Variants in ZDHHC8 observed in about 807,000 individuals in gnomAD.
ZDHHC8 encodes the protein palmitoyltransferase ZDHHC8.
ZDHHC8 carries 24 observed loss-of-function variants against 61.2 expected under a neutral mutation model. The ratio of observed to expected loss-of-function variants is 0.39; its 90% CI spans 0.28 to 0.55. The LOEUF (loss-of-function observed/expected upper bound fraction) is 0.55. Ranked by LOEUF, ZDHHC8 falls within the 20% of genes least tolerant of loss-of-function variation. ZDHHC8 has a pLI of 0.60. For missense variants in ZDHHC8, 935 were observed against 1,102.1 expected (o/e 0.85, Z 2.15); for synonymous variants, 523 against 492.5 (o/e 1.06, Z -0.82).
intron 9 of ZDHHC8, among the ~76,000 whole-genome samples, chr22:20,142,027 GCAGTGAT>G (rs1392795025): frequency 6.6e-6 from 1 of 152,188 alleles, no homozygotes; most frequent in Non-Finnish European, 1.5e-5. Context: ...GGCGGTCTGT[GCAGTGAT>G]CAGGAACACC....
At chr22:20,138,081 G>A (rs1025814002) in intron 1 of ZDHHC8, among the ~76,000 whole-genome samples, 20 of 152,374 alleles carry the variant, frequency 1.3e-4, no homozygotes, top group Admixed American at 7.2e-4. Context: ...CCGGGGCGGC[G>A]GGGCTGGCTC....
chr22:20,139,758 C>A lies in ZDHHC8; in HGVS notation c.423C>A (p.Ile141=). 5.0e-6 allele frequency: 8 copies of A among 1,612,984 alleles called. No individual in the cohort carries two copies. Among genetic ancestry groups the A allele is most frequent in the Non-Finnish European group, 6.8e-6 (8 of 1,180,016 alleles). ...ACTGCCCCTGGGTCAACAACTGCATCGGGCGTCGAAACTATCGCTACTTCT... is the reference window on the plus strand; with the variant it reads ...ACTGCCCCTGGGTCAACAACTGCATAGGGCGTCGAAACTATCGCTACTTCT... The part of the protein sequence containing the change: ...DHHCPWVNNC[I]GRRNYRYFFL... Residue 141 remains isoleucine, a synonymous_variant, in exon 4 of 11, where the codon ATC becomes ATA. Coordinates refer to ENST00000334554, the MANE Select transcript of ZDHHC8 (RefSeq NM_013373.4).
chr22:20,141,185 C>A (rs1201956329), intron 7 of ZDHHC8, 32 bp from the exon 8 acceptor site: 1 of 1,599,828 alleles, frequency 6.3e-7, no homozygotes, highest in South Asian at 1.1e-5. Context: ...CTCATCCAAG[C>A]CCCACACACC....
chr22:20,141,085 C>T (rs1287746669), intron 7 of ZDHHC8, 73 bp downstream of exon 7: 4 of 1,599,650 alleles, frequency 2.5e-6, no homozygotes, highest in Non-Finnish European at 3.4e-6. Context: ...TGGTGGGGGC[C>T]TAGAAGAGGT....
intron 1 of ZDHHC8, among the ~76,000 whole-genome samples, 191 bp from the exon 2 acceptor site, chr22:20,139,003 C>G (rs946474608): frequency 6.6e-6 from 1 of 152,190 alleles, no homozygotes; most frequent in Non-Finnish European, 1.5e-5. Flanking sequence ...TGTACTGATA[C>G]GCACAGCCTC....
Position 20,146,751 on chromosome 22 carries a change from T to G in ZDHHC8, c.*1351T>G. 8.3e-7 allele frequency: 1 copy of G among 1,206,774 alleles called. No homozygotes were observed. Among genetic ancestry groups the G allele is most frequent in the Non-Finnish European group, 1.0e-6 (1 of 972,114 alleles). 74.8% of individuals were successfully genotyped at this position (1,206,774 alleles called of 1,614,324 possible). On this transcript the variant is annotated 3_prime_UTR_variant, in exon 11 of 11. Coordinates refer to ENST00000334554, the MANE Select transcript of ZDHHC8 (RefSeq NM_013373.4). ...GTCTGCCGCTACCCACAGGGGACTCTCAGGAACCCGAGAGCTTGGGGAGAT... is the reference window on the plus strand; with the variant it reads ...GTCTGCCGCTACCCACAGGGGACTCGCAGGAACCCGAGAGCTTGGGGAGAT...
Position 20,146,703 on chromosome 22 carries a change from G to T in ZDHHC8, c.*1303G>T, listed in dbSNP as rs1160058328. On this transcript the variant is annotated 3_prime_UTR_variant, in exon 11 of 11. Transcript: ENST00000334554. ...GTCTGTGTCAGTTCTGGCAGTGACA[G>T]GGTGTTTGGGGGAAAGACTTGGGTC... is the stretch of plus-strand genomic sequence containing the variant. The T allele has an allele frequency of 3.6e-6, 4 of 1,125,280 alleles. No homozygotes were observed. Among genetic ancestry groups the T allele is most frequent in the Non-Finnish European group, 4.3e-6 (4 of 920,002 alleles). The allele number at this position is 1,125,280 out of a possible 1,614,324, so 69.7% of individuals were successfully genotyped here.
At chr22:20,145,074 C>T (rs1043662070) in intron 10 of ZDHHC8, among the ~76,000 whole-genome samples, 155 bp from the exon 11 acceptor site, 1 of 152,228 alleles carries the variant, frequency 6.6e-6, no homozygotes, top group East Asian at 1.9e-4. Context: ...CAGGTGAACC[C>T]TCCAAGCCCA....
chr22:20,140,119 G>A lies in ZDHHC8; in HGVS notation c.562G>A (p.Ala188Thr). The A allele has an allele frequency of 6.2e-7, 1 of 1,613,704 alleles. No individual in the cohort carries two copies. Among genetic ancestry groups the A allele is most frequent in the South Asian group, 1.1e-5 (1 of 91,090 alleles). ...CCGTTGGCCTTAACGGGCTAGCATG[G>A]CTGTCATGTGTGTGGCCGGCCTCTT... ...LGAAHTTITM[A>T]VMCVAGLFFI... is the part of the protein sequence containing the mutation. The change falls in exon 5 of 11, where the codon GCT becomes ACT. Residue 188 changes from alanine to threonine, a missense_variant. Coordinates refer to ENST00000334554, the MANE Select transcript of ZDHHC8 (RefSeq NM_013373.4).
Position 20,146,949 on chromosome 22 carries a change from C to T in ZDHHC8, c.*1549C>T, listed in dbSNP as rs1360683244. On this transcript the variant is annotated 3_prime_UTR_variant, in exon 11 of 11. Coordinates refer to ENST00000334554, the MANE Select transcript of ZDHHC8 (RefSeq NM_013373.4). Reference sequence around the variant, plus strand: ...GCTGGGGCTGTCCCAGCGTGGGAGGCGTGCGGGCTGTAGGGCCCCGAAGCT... The same window carrying T: ...GCTGGGGCTGTCCCAGCGTGGGAGGTGTGCGGGCTGTAGGGCCCCGAAGCT... The T allele has an allele frequency of 1.2e-5, 17 of 1,361,634 alleles. No individual in the cohort carries two copies. In the Admixed American group the frequency reaches 1.9e-4, roughly 16 times the overall value. 84.3% of individuals were successfully genotyped at this position (1,361,634 alleles called of 1,614,324 possible).
chr22:20,141,504 G>T lies in ZDHHC8; in HGVS notation c.1099G>T (p.Val367Leu). 6.2e-7 allele frequency: 1 copy of T among 1,612,772 alleles called. No individual in the cohort carries two copies. Among genetic ancestry groups the T allele is most frequent in the Non-Finnish European group, 8.5e-7 (1 of 1,179,838 alleles). ...FRPAFPTGPK[V>L]PFCGPGEQVP... ...GCCGGCTTTCCCCACGGGTCCCAAG[G>T]TGCCCTTCTGTGGACCAGGCGAGCA... The change falls in exon 9 of 11, where the codon GTG becomes TTG. Residue 367 changes from valine (V) to leucine (L), a missense_variant. This residue lies in a region of ZDHHC8 where 692 missense variants were observed against 731.4 expected (regional missense o/e 0.95). Coordinates refer to ENST00000334554, the MANE Select transcript of ZDHHC8 (RefSeq NM_013373.4).
chr22:20,132,590 C>T (rs1488253716), intron 1 of ZDHHC8, among the ~76,000 whole-genome samples: 1 of 152,248 alleles, frequency 6.6e-6, no homozygotes. Flanking sequence ...GCCTCCTTCT[C>T]AGGAAGACCC....
Position 20,145,749 on chromosome 22 carries a change from C to T in ZDHHC8, c.*349C>T, listed in dbSNP as rs912490487. ...GCCATCACCCAGCACCCCAGATCACCGCCAGGCCAGCCCCCAATGGTCCCC... is the reference window on the plus strand; with the variant it reads ...GCCATCACCCAGCACCCCAGATCACTGCCAGGCCAGCCCCCAATGGTCCCC... On this transcript the variant is annotated 3_prime_UTR_variant, in exon 11 of 11. Coordinates refer to ENST00000334554, the MANE Select transcript of ZDHHC8 (RefSeq NM_013373.4). The T allele has an allele frequency of 1.7e-4, 171 of 1,005,404 alleles. No individual in the cohort carries two copies. Among genetic ancestry groups the T allele is most frequent in the Non-Finnish European group, 1.9e-4 (159 of 843,444 alleles). 62.3% of individuals were successfully genotyped at this position (1,005,404 alleles called of 1,614,324 possible).
rs374860693 is a variant in ZDHHC8, at chr22:20,143,658, G to A, written c.2028G>A (p.Pro676=). ...CTGCACGCCAGGGCCTGCCCTCCCC[G>A]CCCGGCACTCCCCACTCACCATCCT... ...RSPARQGLPS[P]PGTPHSPSYA... The change falls in exon 10 of 11, where the codon CCG becomes CCA. Residue 676 remains proline (P), a synonymous_variant. Coordinates refer to ENST00000334554, the MANE Select transcript of ZDHHC8 (RefSeq NM_013373.4). The A allele has an allele frequency of 4.3e-5, 69 of 1,607,850 alleles. 1 individual carries two copies. The highest frequency in any genetic ancestry group is 5.4e-5 in the Non-Finnish European group (64 of 1,179,126).
chr22:20,145,167 C>T (rs1340997445), intron 10 of ZDHHC8, 62 bp from the exon 11 acceptor site: 20 of 1,351,802 alleles, frequency 1.5e-5, no homozygotes, highest in Non-Finnish European at 1.8e-5. Context: ...CCTCCTCCGT[C>T]CTCTGTCCCC....
At chr22:20,133,446 G>A (rs1477754633) in intron 1 of ZDHHC8, among the ~76,000 whole-genome samples, 1 of 152,172 alleles carries the variant, frequency 6.6e-6, no homozygotes, top group Non-Finnish European at 1.5e-5. Context: ...AGTAATGTGT[G>A]GGCCGGGCGC....
intron 1 of ZDHHC8, among the ~76,000 whole-genome samples, chr22:20,136,110 C>T (rs1226397891): frequency 6.6e-6 from 1 of 152,156 alleles, no homozygotes; most frequent in Non-Finnish European, 1.5e-5. Flanking sequence ...GGGGCTGGGC[C>T]CCCTGGACCT....
chr22:20,141,182 A>G lies in ZDHHC8; in HGVS notation c.895-35A>G, dbSNP rs764112168. ...CCTAGTGAAGCCCTGCCCCTCATCCAAGCCCCACACACCACTGACCCCGCT... is the reference window on the plus strand; with the variant it reads ...CCTAGTGAAGCCCTGCCCCTCATCCGAGCCCCACACACCACTGACCCCGCT... On this transcript the variant is annotated intron_variant, in intron 7 of 10. Transcript: ENST00000334554. 2.5e-6 allele frequency: 4 copies of G among 1,598,294 alleles called. No homozygotes were observed. The African/African-American group carries it at 4.0e-5, about 16-fold the overall frequency.
intron 5 of ZDHHC8, 159 bp from the exon 6 acceptor site, chr22:20,140,458 C>A: frequency 1.2e-6 from 1 of 854,194 alleles, no homozygotes. Context: ...CAAGTTCAGG[C>A]TGGGTAACCT....
Sources: allele counts gnomAD v4.1 joint callset (sites outside exome capture counted in the v4.1 genomes callset), GRCh38; gene constraint gnomAD v4.1.1; regional missense constraint gnomAD v4.1.1; transcripts MANE v1.5; gene names NCBI Gene and HGNC (gene_info 2026-07-23, HGNC 2026-07-21).